The following TENM2 variants were observed in gnomAD, a reference collection of about 807,000 sequenced individuals.
The protein encoded by TENM2 is teneurin transmembrane protein 2.
A neutral mutation model predicts 245.2 loss-of-function variants in TENM2; 52 were observed. The ratio of observed to expected loss-of-function variants is 0.21; its 90% CI spans 0.17 to 0.27. The LOEUF is 0.27. TENM2 is among the 10% of genes least tolerant of loss of function. The pLI is 1.00. For synonymous variants in TENM2, 1,363 were observed against 1,438.9 expected, an observed-to-expected ratio of 0.95 and a Z score of 1.19; for missense variants, 3,046 against 3,666.8, an observed-to-expected ratio of 0.83 and a Z score of 4.37.
At chr5:167,456,473 TACAC>T (rs761331287) in intron 2 of TENM2, among the ~76,000 whole-genome samples, 1 of 151,252 alleles carries the variant, frequency 6.6e-6, no homozygotes, top group African/African-American at 2.4e-5. Context: ...TTGCTATGAA[TACAC>T]ACACACACAC....
intron 4 of TENM2, among the ~76,000 whole-genome samples, chr5:167,983,860 T>A (rs1355374145): frequency 6.6e-6 from 1 of 152,158 alleles, no homozygotes; most frequent in Non-Finnish European, 1.5e-5. Context: ...ACCAGGCTAA[T>A]TAGAACGACT....
At chr5:167,375,431 C>A in exon 2 of TENM2, 1 of 1,551,722 alleles carries the variant, frequency 6.4e-7, no homozygotes, top group Non-Finnish European at 8.7e-7. Context: ...GGCCCTTACC[C>A]TGACTGACTC....
intron 25 of TENM2, among the ~76,000 whole-genome samples, chr5:168,236,178 A>G (rs1765411337): frequency 1.3e-5 from 2 of 152,202 alleles, no homozygotes; most frequent in South Asian, 4.1e-4. Flanking sequence ...GTACATGCAA[A>G]TGAGCCCTCA....
At chr5:167,158,315 C>A in the TENM2 span, among the ~76,000 whole-genome samples, 809 of 152,288 alleles carry the variant, frequency 5.3e-3, 9 homozygotes, top group African/African-American at 0.018. Flanking sequence ...ACCACTCTTA[C>A]TTAGAAGTTC....
chr5:167,944,354 A>G (rs1433763985), intron 3 of TENM2, among the ~76,000 whole-genome samples: 1 of 151,980 alleles, frequency 6.6e-6, no homozygotes, highest in Non-Finnish European at 1.5e-5. Context: ...GCCCTCAGAC[A>G]TTCACATGTG....
chr5:167,713,478 C>T (rs571508501), intron 2 of TENM2, among the ~76,000 whole-genome samples: 1 of 152,134 alleles, frequency 6.6e-6, no homozygotes, highest in Non-Finnish European at 1.5e-5. Flanking sequence ...CAAGTACATA[C>T]ATACAATGCA....
intron 8 of TENM2, among the ~76,000 whole-genome samples, chr5:168,092,165 A>G (rs527645721): frequency 1.3e-5 from 2 of 152,264 alleles, no homozygotes; most frequent in African/African-American, 2.4e-5. Context: ...TCAGGTGGCA[A>G]TTCTTCATCA....
At chr5:167,875,649 C>G (rs1773357437) in intron 2 of TENM2, among the ~76,000 whole-genome samples, 1 of 152,018 alleles carries the variant, frequency 6.6e-6, no homozygotes, top group Non-Finnish European at 1.5e-5. Context: ...GTGAGACCAG[C>G]AAGGAGGTAG....
At chr5:167,096,162 G>A in the TENM2 span, among the ~76,000 whole-genome samples, 41 of 152,172 alleles carry the variant, frequency 2.7e-4, no homozygotes, top group Non-Finnish European at 5.0e-4. Context: ...TATTTATGGG[G>A]TACAATGTGA....
At chr5:167,785,799 G>A (rs1405424618) in intron 2 of TENM2, among the ~76,000 whole-genome samples, 1 of 152,172 alleles carries the variant, frequency 6.6e-6, no homozygotes, top group Non-Finnish European at 1.5e-5. Context: ...ATTAGACAAG[G>A]GACAGCAAGC....
the TENM2 span, among the ~76,000 whole-genome samples, chr5:167,022,146 GA>G: frequency 6.6e-6 from 1 of 152,240 alleles, no homozygotes; most frequent in East Asian, 1.9e-4. Context: ...TATTATCAAA[GA>G]AAGAGAAGAG....
At chr5:167,072,006 G>A in the TENM2 span, among the ~76,000 whole-genome samples, 1 of 151,388 alleles carries the variant, frequency 6.6e-6, no homozygotes, top group Non-Finnish European at 1.5e-5. Context: ...GGAAGATGCA[G>A]CCATCAGTCT....
At chr5:167,869,530 C>T (rs1772629003) in intron 2 of TENM2, among the ~76,000 whole-genome samples, 1 of 152,200 alleles carries the variant, frequency 6.6e-6, no homozygotes, top group African/African-American at 2.4e-5. Flanking sequence ...GTGTTCAGCA[C>T]ATCAAATAGG....
At chr5:167,133,149 G>A in the TENM2 span, among the ~76,000 whole-genome samples, 1 of 152,164 alleles carries the variant, frequency 6.6e-6, no homozygotes, top group East Asian at 1.9e-4. Flanking sequence ...GGGAAAATGA[G>A]AGAGAGAGAA....
the TENM2 span, among the ~76,000 whole-genome samples, chr5:167,014,363 A>C: frequency 1.3e-5 from 2 of 152,288 alleles, no homozygotes; most frequent in South Asian, 2.1e-4. Context: ...AAACAAAAGC[A>C]AGTACACGTT....
At chr5:167,667,849 C>A (rs1755672940) in intron 2 of TENM2, among the ~76,000 whole-genome samples, 1 of 152,176 alleles carries the variant, frequency 6.6e-6, no homozygotes, top group South Asian at 2.1e-4. Context: ...CCAGGGAATT[C>A]ACATGAAACT....
At chr5:167,619,346 C>A (rs1374750514) in intron 2 of TENM2, among the ~76,000 whole-genome samples, 1 of 152,068 alleles carries the variant, frequency 6.6e-6, no homozygotes, top group Non-Finnish European at 1.5e-5. Context: ...ACCAAGTGCA[C>A]CAGGTTCCAG....
At chr5:167,075,503 C>G in the TENM2 span, among the ~76,000 whole-genome samples, 1 of 152,142 alleles carries the variant, frequency 6.6e-6, no homozygotes, top group African/African-American at 2.4e-5. Flanking sequence ...GTGCTGGGAA[C>G]TTCCTTGAGA....
intron 27 of TENM2, among the ~76,000 whole-genome samples, chr5:168,251,056 A>G (rs1012550197): frequency 3.9e-5 from 6 of 152,218 alleles, no homozygotes; most frequent in African/African-American, 1.2e-4. Context: ...GAAACTGTGA[A>G]TGGGGAGGTT....
Sources: gnomAD v4.1 joint callset for allele counts (sites outside exome capture counted in the v4.1 genomes callset) on GRCh38, gnomAD v4.1.1 for gene constraint, MANE v1.5 for transcripts, NCBI Gene and HGNC (gene_info 2026-07-23, HGNC 2026-07-21) for gene names.